Variants in NDST3 observed in about 807,000 individuals in gnomAD.
NDST3 encodes bifunctional heparan sulfate N-deacetylase/N-sulfotransferase 3.
Under a neutral mutation model 96.1 loss-of-function variants are expected in NDST3, and 58 were observed. That is an observed-to-expected ratio of 0.60 (90% CI 0.49 to 0.75). The LOEUF (loss-of-function observed/expected upper bound fraction) is 0.75. Among genes scored for constraint, NDST3 ranks in the 30% least tolerant of loss-of-function variants. The pLI is 0.00. For synonymous variants in NDST3, 333 were observed against 359.7 expected (o/e 0.93, Z 0.84); for missense variants, 788 against 1,034.2 (o/e 0.76, Z 3.27).
At chr4:118,176,242 C>T (rs577978521) in intron 6 of NDST3, among the ~76,000 whole-genome samples, 21 of 151,700 alleles carry the variant, frequency 1.4e-4, no homozygotes, top group African/African-American at 4.3e-4. Flanking sequence ...CACATGTACC[C>T]CAGAACTTAA....
chr4:118,172,941 T>C (rs924797085), intron 6 of NDST3, among the ~76,000 whole-genome samples: 2 of 152,094 alleles, frequency 1.3e-5, no homozygotes, highest in African/African-American at 2.4e-5. Context: ...ACTAATAATA[T>C]GTAAACTATC....
At chr4:118,185,253 G>T (rs1296603333) in intron 6 of NDST3, among the ~76,000 whole-genome samples, 1 of 151,898 alleles carries the variant, frequency 6.6e-6, no homozygotes, top group Non-Finnish European at 1.5e-5. Flanking sequence ...TTTACTTCAT[G>T]CTGTGTGTAT....
At chr4:118,035,745 T>C (rs191800969) in intron 1 of NDST3, among the ~76,000 whole-genome samples, 1 of 152,076 alleles carries the variant, frequency 6.6e-6, no homozygotes, top group East Asian at 1.9e-4. Context: ...TCTAATTTTG[T>C]TATCATTTTT....
chr4:118,133,179 T>C (rs1732779724), intron 4 of NDST3, among the ~76,000 whole-genome samples: 1 of 152,198 alleles, frequency 6.6e-6, no homozygotes, highest in Non-Finnish European at 1.5e-5. Flanking sequence ...CTTTCAAGTT[T>C]ACCAAGGACC....
chr4:118,201,636 G>T (rs1019419419), intron 6 of NDST3, among the ~76,000 whole-genome samples: 2 of 151,952 alleles, frequency 1.3e-5, no homozygotes, highest in African/African-American at 4.8e-5. Context: ...AAGTTATTTG[G>T]TGTTTTGCCT....
chr4:118,178,393 G>A (rs1180782678), intron 6 of NDST3, among the ~76,000 whole-genome samples: 1 of 151,908 alleles, frequency 6.6e-6, no homozygotes, highest in Non-Finnish European at 1.5e-5. Context: ...CTATAAACTT[G>A]ACTATTCCAG....
At chr4:118,253,852 C>T (rs1741930316) in intron 13 of NDST3, among the ~76,000 whole-genome samples, 1 of 151,870 alleles carries the variant, frequency 6.6e-6, no homozygotes, top group Non-Finnish European at 1.5e-5. Flanking sequence ...TATCTTATTC[C>T]AAAAAGAATG....
At chr4:118,148,903 C>T (rs529303799) in intron 6 of NDST3, among the ~76,000 whole-genome samples, 1 of 152,200 alleles carries the variant, frequency 6.6e-6, no homozygotes, top group African/African-American at 2.4e-5. Flanking sequence ...ACGTTTAAGT[C>T]TTTAATCCAT....
At chr4:118,249,731 TAC>T (rs60479821) in intron 12 of NDST3, among the ~76,000 whole-genome samples, 4,379 of 145,058 alleles carry the variant, frequency 0.03, 87 homozygotes, top group Non-Finnish European at 0.039. Flanking sequence ...CAGCCCCACA[TAC>T]ACACACACAC....
chr4:118,210,392 C>T (rs902837341), intron 6 of NDST3, among the ~76,000 whole-genome samples: 4 of 152,192 alleles, frequency 2.6e-5, no homozygotes, highest in Admixed American at 2.6e-4. Context: ...AATTATGTGC[C>T]CTTTTTTCCA....
chr4:118,215,685 T>C (rs993838758), intron 6 of NDST3, among the ~76,000 whole-genome samples: 9 of 152,042 alleles, frequency 5.9e-5, no homozygotes, highest in Non-Finnish European at 1.0e-4. Context: ...TAAGATCACA[T>C]GGGAGTTGAA....
chr4:118,062,623 A>G (rs2110470031), intron 2 of NDST3, among the ~76,000 whole-genome samples: 1 of 152,294 alleles, frequency 6.6e-6, no homozygotes, highest in African/African-American at 2.4e-5. Context: ...AGTTATTTTA[A>G]GGAAATAATT....
At chr4:118,179,243 G>T (rs1736451987) in intron 6 of NDST3, among the ~76,000 whole-genome samples, 1 of 151,974 alleles carries the variant, frequency 6.6e-6, no homozygotes, top group Admixed American at 6.6e-5. Flanking sequence ...AAGGCAGTCA[G>T]TATATTTGCT....
intron 6 of NDST3, among the ~76,000 whole-genome samples, chr4:118,152,880 C>A (rs17049627): frequency 6.6e-6 from 1 of 152,154 alleles, no homozygotes; most frequent in African/African-American, 2.4e-5. Context: ...ATTCTCAGGT[C>A]GAATTTCCAA....
chr4:118,120,665 C>A (rs188663568), intron 4 of NDST3, among the ~76,000 whole-genome samples: 28 of 152,096 alleles, frequency 1.8e-4, no homozygotes, highest in African/African-American at 5.8e-4. Flanking sequence ...TCAGCAAGGC[C>A]CAGATATCAA....
At chr4:118,150,172 G>A (rs1434961394) in intron 6 of NDST3, among the ~76,000 whole-genome samples, 3 of 151,892 alleles carry the variant, frequency 2.0e-5, no homozygotes, top group African/African-American at 7.3e-5. Context: ...ATTTTATTGA[G>A]GATTTTTGCA....
At chr4:118,245,796 T>A (rs1015278903) in intron 12 of NDST3, among the ~76,000 whole-genome samples, 5 of 152,126 alleles carry the variant, frequency 3.3e-5, no homozygotes, top group Non-Finnish European at 7.4e-5. Context: ...TATCTCTCTC[T>A]CTTCATAAAA....
chr4:118,228,699 T>C (rs548481009), intron 8 of NDST3, among the ~76,000 whole-genome samples: 3 of 152,250 alleles, frequency 2.0e-5, no homozygotes, highest in Non-Finnish European at 2.9e-5. Flanking sequence ...TACAGAACAG[T>C]TGTTAGCCTA....
intron 6 of NDST3, among the ~76,000 whole-genome samples, chr4:118,201,055 G>C (rs188526469): frequency 1.3e-5 from 2 of 152,284 alleles, no homozygotes; most frequent in African/African-American, 4.8e-5. Context: ...TTCTGTTTCT[G>C]CATTAATTTG....
Sources: allele counts gnomAD v4.1 joint callset (sites outside exome capture counted in the v4.1 genomes callset), GRCh38; gene constraint gnomAD v4.1.1; transcripts MANE v1.5; gene names NCBI Gene and HGNC (gene_info 2026-07-23, HGNC 2026-07-21).